The following NID1 variants were observed in gnomAD, a reference collection of about 807,000 sequenced individuals.
NID1 encodes nidogen 1, also known as nidogen-1.
A neutral mutation model predicts 130.6 loss-of-function variants in NID1; 76 were observed. The ratio of observed to expected loss-of-function variants is 0.58; its 90% CI spans 0.48 to 0.70. NID1 has a LOEUF of 0.70. Among genes scored for constraint, NID1 ranks in the 30% least tolerant of loss-of-function variants. The pLI is 0.00. For missense variants in NID1, 1,517 were observed against 1,664.8 expected, an observed-to-expected ratio of 0.91 and a Z score of 1.54; for synonymous variants, 665 against 675.1, an observed-to-expected ratio of 0.98 and a Z score of 0.23.
intron 6 of NID1, among the ~76,000 whole-genome samples, chr1:236,031,704 C>T (rs1422744365): frequency 6.6e-6 from 1 of 152,188 alleles, no homozygotes; most frequent in African/African-American, 2.4e-5. Flanking sequence ...ACTCCTCCAA[C>T]CCAGCTGTTC....
rs1365353633 is a variant in NID1 at position 235,979,115 on chromosome 1, G to T, written c.3510-8C>A. 1.3e-6 allele frequency: 2 copies of T among 1,561,676 alleles called. No individual in the cohort carries two copies. Among genetic ancestry groups the T allele is most frequent in the Admixed American group, 1.7e-5 (1 of 59,948 alleles). ...AGAGCAACCACGGAATTCCTACAAA[G>T]CACCAAAGGGCAGAAGGTGAAAACA... On this transcript the variant is annotated splice_region_variant and splice_polypyrimidine_tract_variant and intron_variant, in intron 18 of 19. Coordinates refer to ENST00000264187, the MANE Select transcript of NID1 (RefSeq NM_002508.3). The surrounding 1 kb of genome is among the most constrained non-coding windows in gnomAD (Gnocchi z 4.6).
At chr1:235,978,972 C>T (rs1657350877) in intron 19 of NID1, 23 bp downstream of exon 19, 3 of 1,543,832 alleles carry the variant, frequency 1.9e-6, no homozygotes, top group Non-Finnish European at 2.7e-6. Context: ...AGTATGCCAA[C>T]AGTAACAGCA....
chr1:236,036,424 C>G (rs1380453414), intron 5 of NID1, among the ~76,000 whole-genome samples: 1 of 152,180 alleles, frequency 6.6e-6, no homozygotes, highest in Non-Finnish European at 1.5e-5. Context: ...TTAATTATAA[C>G]TATGGCAGGT....
At position 235,976,328 on chromosome 1, in the gene NID1, G is replaced by T. The variant is rs1657249357; in HGVS notation, c.*1539C>A. ...ACTCTTTTCCCCAAAGAGAGTATCA[G>T]GCAAATTCTTCCATGTTCTCAAGTA... On this transcript the variant is annotated 3_prime_UTR_variant, in exon 20 of 20. Coordinates refer to ENST00000264187, the MANE Select transcript of NID1 (RefSeq NM_002508.3). The T allele has an allele frequency of 6.6e-6, 1 of 152,168 alleles. No individual in the cohort carries two copies. Among genetic ancestry groups the T allele is most frequent in the African/African-American group, 2.4e-5 (1 of 41,442 alleles). 9.4% of individuals were successfully genotyped at this position (152,168 alleles called of 1,614,324 possible). A position where few individuals can be genotyped will look rare whatever the true frequency, so the allele number is the denominator to read the frequency against.
rs57925295 is a variant in NID1 at position 236,020,036 on chromosome 1, TA to T, written c.2129-2764del. On this transcript the variant is annotated intron_variant, in intron 9 of 19. Transcript: ENST00000264187. ...TGGGCGACAGAGCAAGACTCTGCCT[TA>T]AAAAAAAAAAAAAAAAAAAAACAAA... 5.5e-3 allele frequency among the ~76,000 whole-genome samples: 483 copies of T among 88,372 alleles called. 2 individuals carry two copies. Among genetic ancestry groups the T allele is most frequent in the African/African-American group, 0.017 (380 of 22,832 alleles). The allele number at this position is 88,372 out of a possible 152,430, so 58.0% of individuals were successfully genotyped here. A position where few individuals can be genotyped will look rare whatever the true frequency, so the allele number is the denominator to read the frequency against.
At chr1:236,016,125 A>T (rs1658587514) in intron 10 of NID1, among the ~76,000 whole-genome samples, 1 of 152,148 alleles carries the variant, frequency 6.6e-6, no homozygotes. Flanking sequence ...AAATCAGGTC[A>T]AATACACAGA....
intron 12 of NID1, among the ~76,000 whole-genome samples, chr1:236,003,748 T>A (rs1349888025): frequency 6.6e-6 from 1 of 152,158 alleles, no homozygotes; most frequent in Non-Finnish European, 1.5e-5. Context: ...CAAGCACCTG[T>A]AATCCCAGCT....
intron 1 of NID1, among the ~76,000 whole-genome samples, chr1:236,054,939 G>C (rs953598974): frequency 6.6e-6 from 1 of 152,054 alleles, no homozygotes; most frequent in Non-Finnish European, 1.5e-5. Flanking sequence ...ACTGTGCTCG[G>C]CCTAAAGAGT....
At chr1:236,015,647 C>CAAAAAAA (rs71559908) in intron 10 of NID1, among the ~76,000 whole-genome samples, 49 of 79,874 alleles carry the variant, frequency 6.1e-4, no homozygotes, top group South Asian at 1.4e-3. Context: ...AACCCTGTCT[C>CAAAAAAA]AAAAAAAAAA....
At position 236,042,277 on chromosome 1, in the gene NID1, C is replaced by T. The variant is rs746987144; in HGVS notation, c.768G>A (p.Gly256=). ...VENLAKSSNS[G]QQGVWVFEIG... ...TCTCAAACACCCAGACACCCTGCTG[C>T]CCAGAGTTACTACTCCTAGGAGGAA... Residue 256 remains glycine, a synonymous_variant, in exon 4 of 20, where the codon GGG becomes GGA. Transcript: ENST00000264187. 6.2e-7 allele frequency: 1 copy of T among 1,603,286 alleles called. No homozygotes were observed. The highest frequency in any genetic ancestry group is 1.3e-5 in the African/African-American group (1 of 74,884).
At chr1:236,010,759 C>T (rs1658387357) in intron 12 of NID1, among the ~76,000 whole-genome samples, 1 of 152,232 alleles carries the variant, frequency 6.6e-6, no homozygotes, top group African/African-American at 2.4e-5. Flanking sequence ...GCCCATGGGC[C>T]ATAGTTTGCT....
chr1:236,035,703 G>A (rs1207860181), intron 5 of NID1, among the ~76,000 whole-genome samples: 7 of 152,188 alleles, frequency 4.6e-5, no homozygotes, highest in African/African-American at 9.7e-5. Context: ...GATCAGCTGC[G>A]TTCTGATGAC....
chr1:236,010,676 C>T (rs1006432101), intron 12 of NID1, among the ~76,000 whole-genome samples: 2 of 152,226 alleles, frequency 1.3e-5, no homozygotes, highest in African/African-American at 2.4e-5. Flanking sequence ...AACACGAAAG[C>T]AGCCATAGAC....
chr1:236,015,024 T>A (rs1015163729), intron 10 of NID1, among the ~76,000 whole-genome samples: 9 of 152,144 alleles, frequency 5.9e-5, no homozygotes, highest in Non-Finnish European at 8.8e-5. Flanking sequence ...TGGATACCAA[T>A]CCTCATGAAA....
At chr1:236,009,313 G>C (rs917544209) in intron 12 of NID1, among the ~76,000 whole-genome samples, 2 of 152,172 alleles carry the variant, frequency 1.3e-5, no homozygotes, top group Non-Finnish European at 2.9e-5. Flanking sequence ...GTGAGCCTTC[G>C]CCAGACACTC....
At chr1:236,038,767 T>C (rs1659342524) in intron 4 of NID1, among the ~76,000 whole-genome samples, 1 of 123,574 alleles carries the variant, frequency 8.1e-6, no homozygotes, top group African/African-American at 3.4e-5. Flanking sequence ...AGGTCATATA[T>C]AATATATATT....
Position 235,980,534 on chromosome 1 carries a change from A to C in NID1, c.3347T>G (p.Phe1116Cys). ...GCAGAGCTGAGATGAGAACGCATCG[A>C]AGGTCAGTCCATTGGGCAAGCCCAG... ...DDLGLPNGLT[F>C]DAFSSQLCWV... is the part of the protein sequence containing the mutation. The change falls in exon 17 of 20, where the codon TTC becomes TGC. Residue 1116 changes from phenylalanine (F) to cysteine (C), a missense_variant. Phe to Cys is a radical substitution (Grantham distance 205). Around this residue, in one of 3 missense-constraint regions of NID1, gnomAD observed 181 missense variants for 211.3 expected, o/e 0.86. Coordinates refer to ENST00000264187, the MANE Select transcript of NID1 (RefSeq NM_002508.3). The C allele has an allele frequency of 2.5e-6, 4 of 1,614,200 alleles. No individual in the cohort carries two copies. The highest frequency in any genetic ancestry group is 3.4e-6 in the Non-Finnish European group (4 of 1,180,016).
intron 1 of NID1, chr1:236,064,629 C>A (rs1028400311): frequency 3.6e-6 from 2 of 557,140 alleles, no homozygotes; most frequent in South Asian, 1.8e-5. Context: ...GCCCGGGGCG[C>A]GCGGAGCCAC....
In NID1 at chr1:235,976,012, T is replaced by C. The variant is rs750409589; in HGVS notation, c.*1855A>G. The C allele has an allele frequency of 7.2e-5, 11 of 152,664 alleles. No individual in the cohort carries two copies. In the East Asian group the frequency reaches 1.3e-3, roughly 19 times the overall value. 9.5% of individuals were successfully genotyped at this position (152,664 alleles called of 1,614,324 possible). ...TCTAATAAAATGAATAAAATAGTTATAAAAATCATACAAAATCATGATGAA... is the reference window on the plus strand; with the variant it reads ...TCTAATAAAATGAATAAAATAGTTACAAAAATCATACAAAATCATGATGAA... On this transcript the variant is annotated 3_prime_UTR_variant, in exon 20 of 20. Transcript: ENST00000264187.
Sources: allele counts gnomAD v4.1 joint callset (sites outside exome capture counted in the v4.1 genomes callset), GRCh38; gene constraint gnomAD v4.1.1; regional missense constraint gnomAD v4.1.1; non-coding constraint Gnocchi (gnomAD v3.1); transcripts MANE v1.5; gene names NCBI Gene and HGNC (gene_info 2026-07-23, HGNC 2026-07-21).